The following CNKSR3 variants were observed in gnomAD, a reference collection of about 807,000 sequenced individuals.
The protein encoded by CNKSR3 is connector enhancer of kinase suppressor of ras 3.
Under a neutral mutation model 67.7 loss-of-function variants are expected in CNKSR3, and 36 were observed. The observed-to-expected ratio is 0.53, with a 90% CI of 0.41 to 0.70. The LOEUF is 0.70. Ranked by LOEUF, CNKSR3 falls within the 30% of genes least tolerant of loss-of-function variation. The pLI is 0.00. For synonymous variants in CNKSR3, 281 were observed against 271.4 expected, an observed-to-expected ratio of 1.04 and a Z score of -0.35; for missense variants, 630 against 695.2, an observed-to-expected ratio of 0.91 and a Z score of 1.05.
At chr6:154,468,123 C>T (rs1450977242) in intron 1 of CNKSR3, among the ~76,000 whole-genome samples, 17 of 136,204 alleles carry the variant, frequency 1.2e-4, no homozygotes, top group Non-Finnish European at 7.7e-5. Flanking sequence ...GTCGCCCAGG[C>T]TGGAGTACAG....
At position 154,437,410 on chromosome 6, in the gene CNKSR3, C is replaced by CTTTTTTT. The variant is rs10665656; in HGVS notation, c.507+3875_507+3881dup. Among the ~76,000 whole-genome samples the CTTTTTTT allele has an allele frequency of 3.9e-4, 40 of 102,132 alleles. 2 individuals are homozygous for CTTTTTTT. The highest frequency in any genetic ancestry group is 5.0e-4 in the Non-Finnish European group (27 of 53,700). The allele number at this position is 102,132 out of a possible 152,430, so 67.0% of individuals were successfully genotyped here. A position where few individuals can be genotyped will look rare whatever the true frequency, so the allele number is the denominator to read the frequency against. On this transcript the variant is annotated intron_variant, in intron 4 of 12. Coordinates refer to ENST00000607772, the MANE Select transcript of CNKSR3 (RefSeq NM_173515.4). The stretch of plus-strand genomic sequence containing the variant: ...CACCATTTGGCAAAGCACCTATGTT[C>CTTTTTTT]TTTTTTTTTTTTTTTTTTTTTGAGA...
intron 1 of CNKSR3, among the ~76,000 whole-genome samples, chr6:154,506,116 T>G (rs1229158737): frequency 6.6e-6 from 1 of 152,144 alleles, no homozygotes; most frequent in East Asian, 1.9e-4. Context: ...CTCTGAGAAC[T>G]GAGCTATGAA....
chr6:154,476,655 G>A (rs1293352818), intron 1 of CNKSR3, among the ~76,000 whole-genome samples: 2 of 152,056 alleles, frequency 1.3e-5, no homozygotes, highest in Non-Finnish European at 2.9e-5. Flanking sequence ...GGCATTCTGG[G>A]GTCACTCGGC....
Position 154,391,179 on chromosome 6 carries a change from C to G in CNKSR3, c.*15175G>C, listed in dbSNP as rs1784602613. 6.6e-6 allele frequency: 1 copy of G among 152,184 alleles called. No individual in the cohort carries two copies. The highest frequency in any genetic ancestry group is 2.1e-4 in the South Asian group (1 of 4,830). 9.4% of individuals were successfully genotyped at this position (152,184 alleles called of 1,614,324 possible). A position where few individuals can be genotyped will look rare whatever the true frequency, so the allele number is the denominator to read the frequency against. Reference sequence around the variant, plus strand: ...GTCTTTCCTCCATGTGCATACATATCTGTGTCCACATGTCCTTGATTGAGC... The same window carrying G: ...GTCTTTCCTCCATGTGCATACATATGTGTGTCCACATGTCCTTGATTGAGC... On this transcript the variant is annotated 3_prime_UTR_variant, in exon 13 of 13. Transcript: ENST00000607772.
chr6:154,455,878 TC>T (rs869069914), intron 1 of CNKSR3, among the ~76,000 whole-genome samples: 1 of 83,616 alleles, frequency 1.2e-5, no homozygotes, highest in Non-Finnish European at 2.5e-5. Flanking sequence ...CCTCTCAGTA[TC>T]AGTCTTTGAC....
At chr6:154,434,883 G>A (rs1785439569) in intron 4 of CNKSR3, among the ~76,000 whole-genome samples, 1 of 151,972 alleles carries the variant, frequency 6.6e-6, no homozygotes, top group Non-Finnish European at 1.5e-5. Context: ...ATACTGTCTG[G>A]CAGACTTGTT....
intron 6 of CNKSR3, among the ~76,000 whole-genome samples, chr6:154,429,290 C>T (rs1273289952): frequency 6.6e-6 from 1 of 152,208 alleles, no homozygotes; most frequent in African/African-American, 2.4e-5. Flanking sequence ...CATCAACCTA[C>T]GCTAATCTAT....
At chr6:154,508,466 T>C (rs1043392053) in intron 1 of CNKSR3, among the ~76,000 whole-genome samples, 2 of 152,196 alleles carry the variant, frequency 1.3e-5, no homozygotes, top group African/African-American at 4.8e-5. Flanking sequence ...AAGTCAACAG[T>C]AGCTGAAATT....
chr6:154,442,347 G>T, intron 2 of CNKSR3, 57 bp from the exon 3 acceptor site: 1 of 1,469,752 alleles, frequency 6.8e-7, no homozygotes, highest in Non-Finnish European at 9.5e-7. Flanking sequence ...ATTCGACAGG[G>T]CGCGGTGGCT....
rs1323485811 is a variant in CNKSR3 at position 154,404,895 on chromosome 6, AG to A, written c.*1458del. On this transcript the variant is annotated 3_prime_UTR_variant, in exon 13 of 13. Coordinates refer to ENST00000607772, the MANE Select transcript of CNKSR3 (RefSeq NM_173515.4). The stretch of plus-strand genomic sequence containing the variant: ...AATTCAGTCACAGTAATTATACATG[AG>A]TGGTTGCTAGTTCCTTTAACCACAC... 3 of 152,172 alleles carry A rather than the reference AG, an allele frequency of 2.0e-5. No individual in the cohort carries two copies. Among genetic ancestry groups the A allele is most frequent in the African/African-American group, 7.2e-5 (3 of 41,428 alleles). The allele number at this position is 152,172 out of a possible 1,614,324, so 9.4% of individuals were successfully genotyped here. A position where few individuals can be genotyped will look rare whatever the true frequency, so the allele number is the denominator to read the frequency against.
At chr6:154,415,132 A>G (rs1238543652) in intron 9 of CNKSR3, among the ~76,000 whole-genome samples, 2 of 148,676 alleles carry the variant, frequency 1.3e-5, no homozygotes, top group African/African-American at 4.9e-5. Flanking sequence ...ACAAGAAAGA[A>G]AAGAAAAGAA....
chr6:154,488,936 T>C (rs2114646846), intron 1 of CNKSR3, among the ~76,000 whole-genome samples: 1 of 152,288 alleles, frequency 6.6e-6, no homozygotes, highest in East Asian at 1.9e-4. Flanking sequence ...TGAGTGTACG[T>C]TTAACCCCAG....
chr6:154,500,711 C>A (rs902731675), intron 1 of CNKSR3, among the ~76,000 whole-genome samples: 6 of 152,166 alleles, frequency 3.9e-5, no homozygotes, highest in Admixed American at 2.6e-4. Context: ...TTCAGTAGGG[C>A]AAAATATTTT....
chr6:154,459,490 C>G (rs147664261), intron 1 of CNKSR3, among the ~76,000 whole-genome samples: 39 of 149,184 alleles, frequency 2.6e-4, no homozygotes, highest in African/African-American at 9.4e-4. Flanking sequence ...AGACTCTTAC[C>G]CATTTGGGAA....
rs1171012403 is a variant in CNKSR3, at chr6:154,396,153, TC to T, written c.*10200del. 6.6e-6 allele frequency: 1 copy of T among 152,162 alleles called. No homozygotes were observed. The highest frequency in any genetic ancestry group is 1.5e-5 in the Non-Finnish European group (1 of 68,032). 9.4% of individuals were successfully genotyped at this position (152,162 alleles called of 1,614,324 possible). A position where few individuals can be genotyped will look rare whatever the true frequency, so the allele number is the denominator to read the frequency against. On this transcript the variant is annotated 3_prime_UTR_variant, in exon 13 of 13. Coordinates refer to ENST00000607772, the MANE Select transcript of CNKSR3 (RefSeq NM_173515.4). Reference sequence around the variant, plus strand: ...TTATAGAGCATTCTATGACCTTACCTCCCCACCATTAACTTTTCCCTGGCTA... The same window carrying T: ...TTATAGAGCATTCTATGACCTTACCTCCCACCATTAACTTTTCCCTGGCTA...
At chr6:154,457,393 C>T (rs1225844148) in intron 1 of CNKSR3, among the ~76,000 whole-genome samples, 2 of 152,066 alleles carry the variant, frequency 1.3e-5, no homozygotes, top group African/African-American at 4.8e-5. Context: ...TTAAATATAG[C>T]AATTTGAGGT....
chr6:154,408,111 G>A (rs1454744983), intron 12 of CNKSR3, among the ~76,000 whole-genome samples: 7 of 151,830 alleles, frequency 4.6e-5, no homozygotes, highest in East Asian at 1.9e-4. Context: ...TGAAACCTCC[G>A]CCTCCCAGGT....
At chr6:154,444,969 A>G (rs2128718258) in intron 2 of CNKSR3, among the ~76,000 whole-genome samples, 1 of 152,260 alleles carries the variant, frequency 6.6e-6, no homozygotes, top group South Asian at 2.1e-4. Flanking sequence ...CACGTGTCAA[A>G]ATCAAGATAC....
At chr6:154,433,171 C>G (rs1463820943) in intron 5 of CNKSR3, among the ~76,000 whole-genome samples, 2 of 152,216 alleles carry the variant, frequency 1.3e-5, no homozygotes, top group Admixed American at 1.3e-4. Context: ...CAGTTCAATC[C>G]TGACTAGCAG....
Sources: gnomAD v4.1 joint callset for allele counts (sites outside exome capture counted in the v4.1 genomes callset) on GRCh38, gnomAD v4.1.1 for gene constraint, MANE v1.5 for transcripts, NCBI Gene and HGNC (gene_info 2026-07-23, HGNC 2026-07-21) for gene names.